GPC6: variants seen among roughly 807,000 people sequenced by gnomAD.
GPC6 encodes the protein glypican-6.
Under a neutral mutation model 55.2 loss-of-function variants are expected in GPC6, and 14 were observed. That is an observed-to-expected ratio of 0.25 (90% CI 0.17 to 0.40). GPC6 has a LOEUF of 0.40. Among genes scored for constraint, GPC6 ranks in the 10% least tolerant of loss-of-function variants. The probability of loss-of-function intolerance (pLI) is 1.00; values close to 1 mark genes in which losing one functional copy is unlikely to be tolerated. For missense variants in GPC6, 641 were observed against 708.5 expected, an observed-to-expected ratio of 0.90 and a Z score of 1.08; for synonymous variants, 278 against 259.6, an observed-to-expected ratio of 1.07 and a Z score of -0.68.
intron 3 of GPC6, among the ~76,000 whole-genome samples, chr13:93,974,841 C>G (rs1880446019): frequency 6.6e-6 from 1 of 151,934 alleles, no homozygotes; most frequent in Non-Finnish European, 1.5e-5. Flanking sequence ...GCATTTTTCT[C>G]CTTTATTTTA....
At chr13:94,337,319 A>T (rs1877759324) in intron 6 of GPC6, among the ~76,000 whole-genome samples, 1 of 152,206 alleles carries the variant, frequency 6.6e-6, no homozygotes, top group African/African-American at 2.4e-5. Flanking sequence ...GCCATCGTCA[A>T]ATAAAAATAT....
intron 3 of GPC6, among the ~76,000 whole-genome samples, chr13:93,892,923 T>G (rs1875774231): frequency 6.6e-6 from 1 of 152,188 alleles, no homozygotes; most frequent in Non-Finnish European, 1.5e-5. Flanking sequence ...AGGGAAAATT[T>G]CTAAATATAA....
At chr13:94,053,145 G>A (rs1884011435) in intron 4 of GPC6, among the ~76,000 whole-genome samples, 1 of 152,178 alleles carries the variant, frequency 6.6e-6, no homozygotes, top group South Asian at 2.1e-4. Flanking sequence ...TAGAAGCATT[G>A]GAAATTGTGC....
intron 2 of GPC6, among the ~76,000 whole-genome samples, chr13:93,699,314 A>T (rs1339658171): frequency 1.3e-5 from 2 of 152,160 alleles, no homozygotes; most frequent in African/African-American, 2.4e-5. Flanking sequence ...AAAGATAAAA[A>T]GTAGCTTGTG....
chr13:94,237,001 T>G (rs1446474539), intron 4 of GPC6, among the ~76,000 whole-genome samples: 1 of 151,952 alleles, frequency 6.6e-6, no homozygotes, highest in East Asian at 1.9e-4. Flanking sequence ...TCACAGGCCT[T>G]AAAGGCAAGG....
At chr13:93,813,016 G>C (rs1484591824) in intron 2 of GPC6, among the ~76,000 whole-genome samples, 1 of 152,090 alleles carries the variant, frequency 6.6e-6, no homozygotes, top group Non-Finnish European at 1.5e-5. Flanking sequence ...GGCTGTGTTT[G>C]GGCATCCATC....
intron 8 of GPC6, among the ~76,000 whole-genome samples, chr13:94,400,975 T>C (rs1020140511): frequency 1.3e-5 from 2 of 152,208 alleles, no homozygotes; most frequent in African/African-American, 4.8e-5. Flanking sequence ...TCAGGGTACA[T>C]TCCAGGTCGC....
chr13:94,091,217 G>A (rs566256505), intron 4 of GPC6, among the ~76,000 whole-genome samples: 7 of 152,112 alleles, frequency 4.6e-5, no homozygotes, highest in Admixed American at 2.0e-4. Flanking sequence ...ACCAGTTTAC[G>A]AAAATGGTAA....
intron 3 of GPC6, among the ~76,000 whole-genome samples, chr13:93,964,241 G>A (rs959132652): frequency 6.6e-6 from 1 of 152,164 alleles, no homozygotes; most frequent in Non-Finnish European, 1.5e-5. Flanking sequence ...CTTGCATAGT[G>A]AAAAAGGTAA....
At chr13:94,387,348 A>T (rs1053825908) in intron 7 of GPC6, among the ~76,000 whole-genome samples, 1 of 152,156 alleles carries the variant, frequency 6.6e-6, no homozygotes, top group African/African-American at 2.4e-5. Flanking sequence ...AATCACAGTG[A>T]CCTGATCAGC....
intron 1 of GPC6, among the ~76,000 whole-genome samples, chr13:93,409,747 TA>T (rs1876426272): frequency 6.6e-6 from 1 of 152,216 alleles, no homozygotes; most frequent in African/African-American, 2.4e-5. Context: ...TGTGATACTT[TA>T]AGCTCTATGT....
intron 2 of GPC6, among the ~76,000 whole-genome samples, chr13:93,821,308 G>A (rs556889866): frequency 5.9e-5 from 9 of 152,178 alleles, no homozygotes; most frequent in African/African-American, 1.7e-4. Context: ...ACGGTATTTC[G>A]TAAAGTATGT....
Position 93,793,276 on chromosome 13 carries a change from T to C in GPC6, c.320-36878T>C, listed in dbSNP as rs748097992. ...CTAGTTAAGTACATTTTGGGGAGAA[T>C]TGAGAAAATAGTCACTGAAATCCGG... is the stretch of plus-strand genomic sequence containing the variant. On this transcript the variant is annotated intron_variant, in intron 2 of 8. Transcript: ENST00000377047. 3.3e-5 allele frequency among the ~76,000 whole-genome samples: 5 copies of C among 152,236 alleles called. No homozygotes were observed. In the East Asian group the frequency reaches 7.7e-4, roughly 24 times the overall value.
At chr13:94,023,423 A>G (rs1018428603) in intron 3 of GPC6, among the ~76,000 whole-genome samples, 1 of 152,000 alleles carries the variant, frequency 6.6e-6, no homozygotes, top group African/African-American at 2.4e-5. Context: ...CTCATGATAA[A>G]CTTAAAAGTA....
chr13:93,271,920 T>C (rs114779835), intron 1 of GPC6, among the ~76,000 whole-genome samples: 94 of 152,316 alleles, frequency 6.2e-4, no homozygotes, highest in African/African-American at 2.2e-3. Context: ...TGGCAGACCA[T>C]TAATTAACTC....
At chr13:93,540,766 G>A (rs995108012) in intron 1 of GPC6, among the ~76,000 whole-genome samples, 59 of 152,070 alleles carry the variant, frequency 3.9e-4, no homozygotes, top group African/African-American at 1.4e-3. Flanking sequence ...CAGTGGTGTA[G>A]AACACTAGAA....
At chr13:94,397,949 A>C (rs1364742449) in intron 7 of GPC6, among the ~76,000 whole-genome samples, 1 of 152,150 alleles carries the variant, frequency 6.6e-6, no homozygotes, top group Non-Finnish European at 1.5e-5. Flanking sequence ...CATGATAGTG[A>C]GTTCTCACAA....
At chr13:94,175,995 G>A (rs1424700181) in intron 4 of GPC6, among the ~76,000 whole-genome samples, 3 of 148,862 alleles carry the variant, frequency 2.0e-5, no homozygotes, top group South Asian at 2.1e-4. Context: ...GAGAGAGAGC[G>A]AGCTTGTCCA....
intron 4 of GPC6, among the ~76,000 whole-genome samples, chr13:94,071,848 C>A (rs148347938): frequency 3.2e-4 from 48 of 152,178 alleles, no homozygotes; most frequent in African/African-American, 1.1e-3. Context: ...CAGTATTTTG[C>A]CTTTTGCCAA....
Sources: gnomAD v4.1 joint callset for allele counts (sites outside exome capture counted in the v4.1 genomes callset) on GRCh38, gnomAD v4.1.1 for gene constraint, MANE v1.5 for transcripts, NCBI Gene and HGNC (gene_info 2026-07-23, HGNC 2026-07-21) for gene names.